Variants in UNC13C observed in about 807,000 individuals in gnomAD.
UNC13C encodes the protein unc-13 homolog C.
Under a neutral mutation model 245.4 loss-of-function variants are expected in UNC13C, and 174 were observed. The ratio of observed to expected loss-of-function variants is 0.71; its 90% CI spans 0.63 to 0.80. The LOEUF is 0.80. UNC13C is among the 30% of genes least tolerant of loss of function. The pLI is 0.00. For synonymous variants in UNC13C, 992 were observed against 895.1 expected, an observed-to-expected ratio of 1.11 and a Z score of -1.93; for missense variants, 2,829 against 2,602.9, an observed-to-expected ratio of 1.09 and a Z score of -1.89.
At chr15:54,423,025 A>T (rs535004863) in intron 19 of UNC13C, among the ~76,000 whole-genome samples, 1 of 151,988 alleles carries the variant, frequency 6.6e-6, no homozygotes, top group African/African-American at 2.4e-5. Flanking sequence ...CATGATAAAG[A>T]TAACAAATTC....
chr15:54,466,676 C>A (rs1427346331), intron 19 of UNC13C, among the ~76,000 whole-genome samples: 7 of 151,882 alleles, frequency 4.6e-5, no homozygotes, highest in Admixed American at 2.6e-4. Context: ...CACCCACACA[C>A]ACATATTTGT....
At chr15:54,596,943 A>C (rs1899118146) in intron 30 of UNC13C, among the ~76,000 whole-genome samples, 1 of 152,304 alleles carries the variant, frequency 6.6e-6, no homozygotes, top group South Asian at 2.1e-4. Context: ...TTTCTTAACA[A>C]GTTACCCAGT....
intron 4 of UNC13C, among the ~76,000 whole-genome samples, chr15:54,189,389 T>G (rs1215033274): frequency 6.6e-6 from 1 of 152,162 alleles, no homozygotes; most frequent in Admixed American, 6.6e-5. Context: ...TCAATTTATT[T>G]TAATAGTTCT....
intron 13 of UNC13C, chr15:54,321,036 C>T: frequency 4.3e-6 from 2 of 462,490 alleles, no homozygotes; most frequent in South Asian, 3.3e-5. Flanking sequence ...CCTCCATGAC[C>T]AAAGTTGTTA....
Position 54,435,770 on chromosome 15 carries a change from C to T in UNC13C, c.4933+20703C>T, listed in dbSNP as rs1042252194. Among the ~76,000 whole-genome samples the T allele has an allele frequency of 6.0e-5, 9 of 150,036 alleles. 1 individual carries two copies. The highest frequency in any genetic ancestry group is 4.0e-4 in the Admixed American group (6 of 15,074). On this transcript the variant is annotated intron_variant, in intron 19 of 32. Coordinates refer to ENST00000260323, the MANE Select transcript of UNC13C (RefSeq NM_001080534.3). Reference sequence around the variant, plus strand: ...TAATAAATAAAAATAAAAAAAGAAACTATCATCAGAGTGAACAGGCAACCT... The same window carrying T: ...TAATAAATAAAAATAAAAAAAGAAATTATCATCAGAGTGAACAGGCAACCT...
intron 29 of UNC13C, among the ~76,000 whole-genome samples, chr15:54,556,836 G>A (rs546492845): frequency 4.1e-4 from 63 of 152,028 alleles, no homozygotes; most frequent in African/African-American, 1.3e-3. Flanking sequence ...CATTTTATTA[G>A]GTCAATGCAT....
At chr15:53,863,141 C>T in the UNC13C span, among the ~76,000 whole-genome samples, 1 of 152,138 alleles carries the variant, frequency 6.6e-6, no homozygotes, top group Admixed American at 6.6e-5. Context: ...GATAGACATT[C>T]CCACTGCAAA....
At chr15:54,250,684 AT>A in intron 8 of UNC13C, among the ~76,000 whole-genome samples, 1 of 150,830 alleles carries the variant, frequency 6.6e-6, no homozygotes. Context: ...TTGCACTCTC[AT>A]CCAGCATAAA....
At chr15:54,617,496 T>C (rs1900520272) in intron 30 of UNC13C, among the ~76,000 whole-genome samples, 1 of 152,072 alleles carries the variant, frequency 6.6e-6, no homozygotes, top group Admixed American at 6.6e-5. Flanking sequence ...GCAACTAACA[T>C]CTGAATCCCA....
At chr15:54,559,120 C>CA (rs1897200195) in intron 29 of UNC13C, among the ~76,000 whole-genome samples, 1 of 152,002 alleles carries the variant, frequency 6.6e-6, no homozygotes. Flanking sequence ...GAGGTTTCTC[C>CA]AAAAACAATA....
the UNC13C span, among the ~76,000 whole-genome samples, chr15:53,881,919 C>G: frequency 6.6e-6 from 1 of 152,112 alleles, no homozygotes; most frequent in Non-Finnish European, 1.5e-5. Flanking sequence ...GCTGTCCAGT[C>G]AGAAACCTTT....
Position 54,013,557 on chromosome 15 carries a change from C to G in UNC13C, c.654C>G (p.Val218=), listed in dbSNP as rs779506775. 1 of 1,613,844 alleles carries G rather than the reference C, an allele frequency of 6.2e-7. No individual in the cohort carries two copies. The highest frequency in any genetic ancestry group is 1.1e-5 in the South Asian group (1 of 91,078). ...GIRSKSLDRT[V]RNPKTNALEP... is the part of the protein sequence containing the mutation. ...GAAGTAAGTCTTTGGACAGAACTGT[C>G]CGAAACCCAAAGACAAATGCCCTGG... Residue 218 remains valine (V), a synonymous_variant, in exon 2 of 33, where the codon GTC becomes GTG. Coordinates refer to ENST00000260323, the MANE Select transcript of UNC13C (RefSeq NM_001080534.3).
chr15:54,424,898 C>A (rs1020331343), intron 19 of UNC13C, among the ~76,000 whole-genome samples: 1 of 151,782 alleles, frequency 6.6e-6, no homozygotes, highest in Non-Finnish European at 1.5e-5. Context: ...TCTGGTCATC[C>A]CTCTGCGTCT....
At chr15:53,963,458 C>G in the UNC13C span, among the ~76,000 whole-genome samples, 3,292 of 152,222 alleles carry the variant, frequency 0.022, 137 homozygotes, top group African/African-American at 0.076. Context: ...CTTCAGTTTC[C>G]TCATTAGTAA....
chr15:54,408,509 A>G (rs1160752510), intron 18 of UNC13C, among the ~76,000 whole-genome samples: 3 of 152,200 alleles, frequency 2.0e-5, no homozygotes, highest in Non-Finnish European at 2.9e-5. Flanking sequence ...ATCTTTTAAA[A>G]GAACTCACGT....
At chr15:54,261,234 C>A (rs536291282) in intron 8 of UNC13C, among the ~76,000 whole-genome samples, 116 of 152,222 alleles carry the variant, frequency 7.6e-4, no homozygotes, top group African/African-American at 2.7e-3. Flanking sequence ...TGAAGAAAGA[C>A]TCATGTAAAA....
At chr15:54,191,867 G>C (rs1440611523) in intron 4 of UNC13C, among the ~76,000 whole-genome samples, 2 of 152,014 alleles carry the variant, frequency 1.3e-5, no homozygotes, top group Non-Finnish European at 2.9e-5. Context: ...AGAAGTGTCT[G>C]TTCATATCCT....
chr15:53,866,698 A>G, the UNC13C span, among the ~76,000 whole-genome samples: 3 of 152,366 alleles, frequency 2.0e-5, no homozygotes, highest in South Asian at 6.2e-4. Context: ...CATTGAAGCT[A>G]CTGCAAAGCA....
Position 54,090,374 on chromosome 15 carries a change from A to G in UNC13C, c.2984-52644A>G, listed in dbSNP as rs116318979. On this transcript the variant is annotated intron_variant, in intron 2 of 32. Coordinates refer to ENST00000260323, the MANE Select transcript of UNC13C (RefSeq NM_001080534.3). ...CTTCTCTATCTACTACTAAATGTCT[A>G]ATTTAAAATAAGAGCAAATGCTTTG... is the stretch of plus-strand genomic sequence containing the variant. 1.3e-3 allele frequency among the ~76,000 whole-genome samples: 193 copies of G among 152,316 alleles called. 2 individuals carry two copies. Among genetic ancestry groups the G allele is most frequent in the African/African-American group, 4.4e-3 (182 of 41,574 alleles).
Sources: allele counts gnomAD v4.1 joint callset (sites outside exome capture counted in the v4.1 genomes callset), GRCh38; gene constraint gnomAD v4.1.1; transcripts MANE v1.5; gene names NCBI Gene and HGNC (gene_info 2026-07-23, HGNC 2026-07-21).